The following ARHGAP44 variants were observed in gnomAD, a reference collection of about 807,000 sequenced individuals.
ARHGAP44 encodes the protein rho GTPase-activating protein 44.
In ARHGAP44, 43 loss-of-function variants were observed where a neutral mutation model predicts 106.8. That is an observed-to-expected ratio of 0.40 (90% CI 0.32 to 0.52). The LOEUF (loss-of-function observed/expected upper bound fraction) is 0.52. Ranked by LOEUF, ARHGAP44 falls within the 20% of genes least tolerant of loss-of-function variation. The pLI is 0.48. For missense variants in ARHGAP44, 866 were observed against 1,050.5 expected (o/e 0.82, Z 2.43); for synonymous variants, 439 against 410.3 (o/e 1.07, Z -0.85).
intron 3 of ARHGAP44, among the ~76,000 whole-genome samples, chr17:12,906,381 C>A (rs905512823): frequency 1.9e-4 from 29 of 152,144 alleles, no homozygotes; most frequent in African/African-American, 7.0e-4. Flanking sequence ...GGGCTCAGTC[C>A]TACAAGACTG....
At chr17:12,874,023 A>C (rs1265083298) in intron 1 of ARHGAP44, among the ~76,000 whole-genome samples, 2 of 152,222 alleles carry the variant, frequency 1.3e-5, no homozygotes, top group Non-Finnish European at 2.9e-5. Context: ...TCTGTTGAAA[A>C]TAAGTCCAGG....
intron 1 of ARHGAP44, among the ~76,000 whole-genome samples, chr17:12,848,936 T>A (rs1469586730): frequency 6.6e-6 from 1 of 151,814 alleles, no homozygotes; most frequent in Non-Finnish European, 1.5e-5. Context: ...TAATCCCAGC[T>A]ACTCGGGAGG....
intron 4 of ARHGAP44, 52 bp downstream of exon 4, chr17:12,909,025 C>T: frequency 2.0e-6 from 3 of 1,467,940 alleles, no homozygotes; most frequent in Non-Finnish European, 1.9e-6. Context: ...AAGTCCCCAT[C>T]CGTGAAAAGG....
chr17:12,789,771 C>T lies in ARHGAP44; in HGVS notation c.-68C>T, dbSNP rs1408872422. 4.3e-6 allele frequency: 6 copies of T among 1,400,474 alleles called. No individual in the cohort carries two copies. The East Asian group carries it at 1.5e-4, about 36-fold the overall frequency. The allele number at this position is 1,400,474 out of a possible 1,614,324, so 86.8% of individuals were successfully genotyped here. A position where few individuals can be genotyped will look rare whatever the true frequency, so the allele number is the denominator to read the frequency against. ...GAGGCTCCGCGCGGGAGCCATGTAA[C>T]CCTGCGGCGGGCTCCGGGCTGCTCC... On this transcript the variant is annotated 5_prime_UTR_variant, in exon 1 of 21. Coordinates refer to ENST00000379672, the MANE Select transcript of ARHGAP44 (RefSeq NM_014859.6).
chr17:12,803,770 C>G (rs770033391), intron 1 of ARHGAP44, among the ~76,000 whole-genome samples: 1 of 152,260 alleles, frequency 6.6e-6, no homozygotes, highest in African/African-American at 2.4e-5. Flanking sequence ...AATACATGGA[C>G]TGAAGAATGT....
At chr17:12,828,883 C>T (rs1017344552) in intron 1 of ARHGAP44, among the ~76,000 whole-genome samples, 5 of 151,798 alleles carry the variant, frequency 3.3e-5, no homozygotes, top group East Asian at 1.9e-4. Flanking sequence ...CCTCGTGATC[C>T]GCCCACCTCG....
intron 1 of ARHGAP44, among the ~76,000 whole-genome samples, chr17:12,882,837 G>A (rs555788747): frequency 1.3e-5 from 2 of 152,092 alleles, no homozygotes; most frequent in African/African-American, 4.8e-5. Context: ...ATTAATACAT[G>A]AAGATGGTCT....
chr17:12,877,760 A>C (rs1487238488), intron 1 of ARHGAP44, among the ~76,000 whole-genome samples: 2 of 152,090 alleles, frequency 1.3e-5, no homozygotes, highest in Non-Finnish European at 2.9e-5. Flanking sequence ...AAAAAAAAAA[A>C]ACACTAAAGA....
intron 3 of ARHGAP44, among the ~76,000 whole-genome samples, chr17:12,901,540 C>T (rs1258365483): frequency 2.0e-5 from 3 of 152,036 alleles, no homozygotes; most frequent in Non-Finnish European, 2.9e-5. Context: ...GAAAAATCGG[C>T]GTCCATGGTA....
rs1414431496 is a variant in ARHGAP44, at chr17:12,816,216, TA to T, written c.53+26326del. On this transcript the variant is annotated intron_variant, in intron 1 of 20. Transcript: ENST00000379672. ...GTTTGAGCCTCTTGGTTTTTAGGCATATTTGGGTGGTGAGAAATGGTTTTCT... is the reference window on the plus strand; with the variant it reads ...GTTTGAGCCTCTTGGTTTTTAGGCATTTTGGGTGGTGAGAAATGGTTTTCT... 5.9e-5 allele frequency among the ~76,000 whole-genome samples: 9 copies of T among 152,266 alleles called. 1 individual carries two copies. In the South Asian group the frequency reaches 1.5e-3, roughly 25 times the overall value.
At chr17:12,846,391 T>A (rs1414916422) in intron 1 of ARHGAP44, among the ~76,000 whole-genome samples, 3 of 152,208 alleles carry the variant, frequency 2.0e-5, no homozygotes, top group East Asian at 1.9e-4. Context: ...TGCACGCATC[T>A]GTTTGTGTGT....
rs1261009722 is a variant in ARHGAP44, at chr17:12,903,150, T to A, written c.199-5747T>A. 6.2e-3 allele frequency among the ~76,000 whole-genome samples: 821 copies of A among 132,266 alleles called. 6 individuals carry two copies. The highest frequency in any genetic ancestry group is 0.026 in the African/African-American group (722 of 27,530). 86.8% of individuals were successfully genotyped at this position (132,266 alleles called of 152,430 possible). On this transcript the variant is annotated intron_variant, in intron 3 of 20. Coordinates refer to ENST00000379672, the MANE Select transcript of ARHGAP44 (RefSeq NM_014859.6). Reference sequence around the variant, plus strand: ...AGGAGAGAGAGAGAGAGTGTGTGTGTGTGTGTGTGTGTGTGTGTGTGTGTG... The same window carrying A: ...AGGAGAGAGAGAGAGAGTGTGTGTGAGTGTGTGTGTGTGTGTGTGTGTGTG...
At chr17:12,876,109 C>T (rs947382493) in intron 1 of ARHGAP44, among the ~76,000 whole-genome samples, 1 of 152,178 alleles carries the variant, frequency 6.6e-6, no homozygotes, top group Non-Finnish European at 1.5e-5. Context: ...TCCATACCCC[C>T]ACTCAGCTCT....
intron 10 of ARHGAP44, among the ~76,000 whole-genome samples, chr17:12,946,676 C>CT (rs2038859920): frequency 6.6e-6 from 1 of 151,654 alleles, no homozygotes; most frequent in African/African-American, 2.4e-5. Context: ...GCACACGCAT[C>CT]TGTAATCCCA....
intron 1 of ARHGAP44, among the ~76,000 whole-genome samples, chr17:12,894,412 C>G (rs1186228813): frequency 6.6e-6 from 1 of 152,052 alleles, no homozygotes; most frequent in Non-Finnish European, 1.5e-5. Flanking sequence ...TAGCTGGGAC[C>G]AGTTCCTCCA....
intron 16 of ARHGAP44, among the ~76,000 whole-genome samples, chr17:12,968,772 CTT>C (rs533743635): frequency 2.8e-4 from 32 of 115,516 alleles, no homozygotes; most frequent in Middle Eastern, 5.3e-3. Flanking sequence ...TATTTCTTTT[CTT>C]TTTTTTTTTT....
At chr17:12,835,052 A>T (rs1370323730) in intron 1 of ARHGAP44, among the ~76,000 whole-genome samples, 1 of 152,228 alleles carries the variant, frequency 6.6e-6, no homozygotes, top group African/African-American at 2.4e-5. Context: ...TTTTTAATTC[A>T]TCCGAATAAT....
In ARHGAP44 at chr17:12,877,959, A is replaced by T. The variant is rs541903112; in HGVS notation, c.54-16981A>T. 9.8e-5 allele frequency among the ~76,000 whole-genome samples: 15 copies of T among 152,316 alleles called. No homozygotes were observed. In the East Asian group the frequency reaches 2.7e-3, roughly 27 times the overall value. ...TCCCAGGTAGCATGTTAAGGAAGATATTGCAAGAGTCAAGAGGTGCTGTAG... is the reference window on the plus strand; with the variant it reads ...TCCCAGGTAGCATGTTAAGGAAGATTTTGCAAGAGTCAAGAGGTGCTGTAG... On this transcript the variant is annotated intron_variant, in intron 1 of 20. Coordinates refer to ENST00000379672, the MANE Select transcript of ARHGAP44 (RefSeq NM_014859.6).
intron 1 of ARHGAP44, among the ~76,000 whole-genome samples, chr17:12,868,292 G>T (rs1421340293): frequency 2.0e-5 from 3 of 152,016 alleles, no homozygotes; most frequent in Admixed American, 2.0e-4. Flanking sequence ...TACTGGATTA[G>T]GGCTTACCCT....
Sources: allele counts gnomAD v4.1 joint callset (sites outside exome capture counted in the v4.1 genomes callset), GRCh38; gene constraint gnomAD v4.1.1; transcripts MANE v1.5; gene names NCBI Gene and HGNC (gene_info 2026-07-23, HGNC 2026-07-21).